The following SORCS3 variants were observed in gnomAD, a reference collection of about 807,000 sequenced individuals.
SORCS3 encodes VPS10 domain-containing receptor SorCS3.
A neutral mutation model predicts 146.3 loss-of-function variants in SORCS3; 57 were observed. The observed-to-expected ratio is 0.39, with a 90% CI of 0.31 to 0.49. The LOEUF (loss-of-function observed/expected upper bound fraction) is 0.49. Ranked by LOEUF, SORCS3 falls within the 20% of genes least tolerant of loss-of-function variation. The pLI is 0.92. For missense variants in SORCS3, 1,341 were observed against 1,575.5 expected (o/e 0.85, Z 2.52); for synonymous variants, 653 against 618.5 (o/e 1.06, Z -0.83).
intron 2 of SORCS3, among the ~76,000 whole-genome samples, chr10:104,873,508 T>C (rs1029313088): frequency 1.3e-5 from 2 of 152,230 alleles, no homozygotes; most frequent in Non-Finnish European, 2.9e-5. Context: ...AAGGAAAGTG[T>C]GCATGAAAAG....
intron 13 of SORCS3, among the ~76,000 whole-genome samples, chr10:105,176,071 T>G (rs968412574): frequency 2.6e-5 from 4 of 152,064 alleles, no homozygotes; most frequent in African/African-American, 9.7e-5. Context: ...AACTTATGAG[T>G]GCCAGTATAA....
chr10:104,786,793 C>A (rs1038860642), intron 1 of SORCS3, among the ~76,000 whole-genome samples: 1 of 152,020 alleles, frequency 6.6e-6, no homozygotes, highest in Non-Finnish European at 1.5e-5. Flanking sequence ...CAGGATCAGG[C>A]AGAGTTTTCT....
At chr10:105,024,587 C>A (rs1340679534) in intron 4 of SORCS3, among the ~76,000 whole-genome samples, 1 of 152,132 alleles carries the variant, frequency 6.6e-6, no homozygotes, top group Non-Finnish European at 1.5e-5. Context: ...TTTACTGTTA[C>A]ATGTTTGAAG....
chr10:105,108,602 G>A (rs990976076), intron 7 of SORCS3, among the ~76,000 whole-genome samples: 2 of 152,164 alleles, frequency 1.3e-5, no homozygotes, highest in Non-Finnish European at 2.9e-5. Context: ...GGCCGGAAAG[G>A]TGGAGGTGCT....
chr10:105,097,846 G>A (rs1377865949), intron 6 of SORCS3, among the ~76,000 whole-genome samples: 1 of 152,152 alleles, frequency 6.6e-6, no homozygotes, highest in Non-Finnish European at 1.5e-5. Flanking sequence ...ATGGGGCACT[G>A]TGATAAGTGA....
chr10:105,027,354 C>G (rs1003160846), intron 4 of SORCS3, among the ~76,000 whole-genome samples: 1 of 152,152 alleles, frequency 6.6e-6, no homozygotes, highest in Admixed American at 6.5e-5. Flanking sequence ...TCACGTTGTA[C>G]CCCATAAACT....
intron 1 of SORCS3, among the ~76,000 whole-genome samples, chr10:104,803,269 G>C (rs1343447562): frequency 1.3e-5 from 2 of 152,198 alleles, no homozygotes; most frequent in Non-Finnish European, 2.9e-5. Flanking sequence ...TGGTAGAAGT[G>C]GTTCTGTTTC....
intron 2 of SORCS3, among the ~76,000 whole-genome samples, chr10:104,877,502 C>A (rs2018588082): frequency 6.6e-6 from 1 of 152,152 alleles, no homozygotes; most frequent in African/African-American, 2.4e-5. Context: ...ATAATCCCTA[C>A]CCCAGTAATG....
chr10:105,060,355 G>A (rs1238557381), intron 5 of SORCS3, among the ~76,000 whole-genome samples: 1 of 152,126 alleles, frequency 6.6e-6, no homozygotes, highest in African/African-American at 2.4e-5. Context: ...GAGATTGGCC[G>A]ATAAGCCTAG....
intron 3 of SORCS3, among the ~76,000 whole-genome samples, chr10:104,951,810 A>G (rs936811388): frequency 1.3e-5 from 2 of 152,210 alleles, no homozygotes; most frequent in African/African-American, 4.8e-5. Context: ...GGATATTCTT[A>G]TAATTCAGCC....
At chr10:105,146,158 A>G (rs944412748) in intron 8 of SORCS3, among the ~76,000 whole-genome samples, 5 of 152,084 alleles carry the variant, frequency 3.3e-5, no homozygotes, top group African/African-American at 1.2e-4. Context: ...ATGTTTATGC[A>G]GTTTTTAACT....
intron 4 of SORCS3, among the ~76,000 whole-genome samples, chr10:105,006,233 C>A (rs569685469): frequency 1.7e-4 from 26 of 152,308 alleles, no homozygotes; most frequent in Admixed American, 1.4e-3. Flanking sequence ...TGAGCCACCA[C>A]GCCTGGCCAA....
chr10:105,226,236 A>T (rs939464755), intron 20 of SORCS3, among the ~76,000 whole-genome samples: 1 of 151,824 alleles, frequency 6.6e-6, no homozygotes, highest in Non-Finnish European at 1.5e-5. Flanking sequence ...CATTCCTTCT[A>T]TGCTGGTTTT....
chr10:104,918,537 T>C (rs2019055815), intron 3 of SORCS3, among the ~76,000 whole-genome samples: 1 of 152,140 alleles, frequency 6.6e-6, no homozygotes, highest in Non-Finnish European at 1.5e-5. Context: ...AAGCCAGCAG[T>C]GATGGTTTTC....
intron 5 of SORCS3, among the ~76,000 whole-genome samples, chr10:105,048,540 T>G (rs1346613744): frequency 1.1e-4 from 8 of 74,332 alleles, no homozygotes; most frequent in Non-Finnish European, 1.5e-4. Flanking sequence ...TGTTGTGGGG[T>G]GGGGGGAGGG....
intron 14 of SORCS3, among the ~76,000 whole-genome samples, chr10:105,179,137 T>A (rs1257664833): frequency 1.3e-5 from 2 of 152,214 alleles, no homozygotes; most frequent in African/African-American, 4.8e-5. Flanking sequence ...TTTGATCAAA[T>A]CTTATAGTTT....
At chr10:104,642,380 C>T (rs2015435230) in intron 1 of SORCS3, among the ~76,000 whole-genome samples, 1 of 134,500 alleles carries the variant, frequency 7.4e-6, no homozygotes, top group East Asian at 2.3e-4. Flanking sequence ...CCCCTACCCC[C>T]ACCCCACCCC....
chr10:104,711,539 G>A, intron 1 of SORCS3, among the ~76,000 whole-genome samples: 1 of 152,226 alleles, frequency 6.6e-6, no homozygotes, highest in Non-Finnish European at 1.5e-5. Context: ...TGTGTTTTAA[G>A]GGCTCTGTTA....
chr10:104,670,529 T>C (rs556252039), intron 1 of SORCS3, among the ~76,000 whole-genome samples: 1 of 152,332 alleles, frequency 6.6e-6, no homozygotes, highest in South Asian at 2.1e-4. Flanking sequence ...GGCTCTATTC[T>C]ATTGGTTTAT....
Sources: gnomAD v4.1 joint callset for allele counts (sites outside exome capture counted in the v4.1 genomes callset) on GRCh38, gnomAD v4.1.1 for gene constraint, MANE v1.5 for transcripts, NCBI Gene and HGNC (gene_info 2026-07-23, HGNC 2026-07-21) for gene names.